The following DDX46 variants were observed in gnomAD, a reference collection of about 807,000 sequenced individuals.
DDX46 encodes DEAD-box helicase 46, also known as probable ATP-dependent RNA helicase DDX46.
DDX46 carries 30 observed loss-of-function variants against 134.9 expected under a neutral mutation model. The observed-to-expected ratio is 0.22, with a 90% CI of 0.17 to 0.30. DDX46 has a LOEUF of 0.30. Ranked by LOEUF, DDX46 falls within the 10% of genes least tolerant of loss-of-function variation. The probability of loss-of-function intolerance (pLI) is 1.00; values close to 1 mark genes in which losing one functional copy is unlikely to be tolerated. For missense variants in DDX46, 622 were observed against 1,248.7 expected (o/e 0.50, Z 7.56); for synonymous variants, 415 against 404.1 (o/e 1.03, Z -0.32).
At chr5:134,776,630 C>T (rs181693384) in intron 5 of DDX46, among the ~76,000 whole-genome samples, 12 of 152,046 alleles carry the variant, frequency 7.9e-5, no homozygotes, top group Non-Finnish European at 7.4e-5. Context: ...TTGAAAATGT[C>T]ATTTAGCTGG....
chr5:134,760,058 AATTG>A (rs1357399919), intron 1 of DDX46, among the ~76,000 whole-genome samples: 3 of 152,252 alleles, frequency 2.0e-5, no homozygotes, highest in East Asian at 1.9e-4. Flanking sequence ...TGATTCTCTG[AATTG>A]ATTGTCTTCC....
Position 134,758,849 on chromosome 5 carries a change from G to A in DDX46, c.-90G>A. Reference sequence around the variant, plus strand: ...CTGCTAGTGTTTAGCGCTGGTCTTTGCCGGGCGTTGAGGGCAGCTCAGCCT... The same window carrying A: ...CTGCTAGTGTTTAGCGCTGGTCTTTACCGGGCGTTGAGGGCAGCTCAGCCT... On this transcript the variant is annotated 5_prime_UTR_variant, in exon 1 of 23. Transcript: ENST00000452510. 1 of 1,598,364 alleles carries A rather than the reference G, an allele frequency of 6.3e-7. No homozygotes were observed. The highest frequency in any genetic ancestry group is 2.2e-5 in the East Asian group (1 of 44,756).
Position 134,788,517 on chromosome 5 carries a change from C to G in DDX46, c.1469C>G (p.Ala490Gly). ...AAGTTTCATCTTTTTTATTAGATTG[C>G]TGAGCTGAAAAGAGGTGCTGAAATT... ...YGGTGISEQIAELKRGAEIIV... is the reference protein window; with the variant it reads ...YGGTGISEQIGELKRGAEIIV... The change falls in exon 12 of 23, where the codon GCT (alanine) becomes GGT (glycine). Residue 490 changes from alanine (A) to glycine (G), a missense_variant. This residue lies in a region of DDX46 where 209 missense variants were observed against 508.4 expected (regional missense o/e 0.41). Coordinates refer to ENST00000452510, the MANE Select transcript of DDX46 (RefSeq NM_001300860.2). The G allele has an allele frequency of 6.2e-7, 1 of 1,612,988 alleles. No individual in the cohort carries two copies. Among genetic ancestry groups the G allele is most frequent in the East Asian group, 2.2e-5 (1 of 44,848 alleles).
intron 1 of DDX46, among the ~76,000 whole-genome samples, chr5:134,759,483 A>G (rs1753309874): frequency 6.6e-6 from 1 of 152,210 alleles, no homozygotes; most frequent in Non-Finnish European, 1.5e-5. Context: ...CTTCGCAAAT[A>G]GATTTCGTAT....
intron 6 of DDX46, among the ~76,000 whole-genome samples, chr5:134,780,155 CATGTATAT>C (rs960678232): frequency 2.3e-5 from 3 of 132,328 alleles, no homozygotes; most frequent in African/African-American, 5.9e-5. Context: ...TATATATGTG[CATGTATAT>C]GTGTATATGT....
intron 3 of DDX46, among the ~76,000 whole-genome samples, chr5:134,767,857 G>A (rs1421979305): frequency 5.9e-5 from 9 of 151,662 alleles, no homozygotes; most frequent in South Asian, 4.2e-4. Flanking sequence ...GGCTGAGGCC[G>A]GAGAATCGCT....
intron 8 of DDX46, 29 bp from the exon 9 acceptor site, chr5:134,782,916 G>T: frequency 1.2e-6 from 2 of 1,605,072 alleles, no homozygotes; most frequent in South Asian, 2.2e-5. Flanking sequence ...CAATATTTAA[G>T]AACTTTTAAT....
rs761618155 is a variant in DDX46 at position 134,790,572 on chromosome 5, A to G, written c.1626+20A>G. The G allele has an allele frequency of 1.9e-6, 3 of 1,592,464 alleles. No homozygotes were observed. The highest frequency in any genetic ancestry group is 2.2e-5 in the East Asian group (1 of 44,748). On this transcript the variant is annotated intron_variant, in intron 13 of 22. Transcript: ENST00000452510. ...CCCCAGGTAATCATTAAATTTCTTA[A>G]GTGTTTTGAAATGTAAATATAACTT...
chr5:134,809,621 C>T (rs1007276037), intron 16 of DDX46, among the ~76,000 whole-genome samples: 12 of 151,972 alleles, frequency 7.9e-5, no homozygotes, highest in South Asian at 4.1e-4. Context: ...GTGATCTGCC[C>T]GCCTTGGCCT....
At chr5:134,784,001 C>G (rs1307983921) in intron 9 of DDX46, among the ~76,000 whole-genome samples, 1 of 151,922 alleles carries the variant, frequency 6.6e-6, no homozygotes, top group Non-Finnish European at 1.5e-5. Context: ...TTAAATTTTT[C>G]ATTATCCCAA....
At chr5:134,798,966 T>C (rs1387550063) in intron 15 of DDX46, among the ~76,000 whole-genome samples, 1 of 152,240 alleles carries the variant, frequency 6.6e-6, no homozygotes, top group Non-Finnish European at 1.5e-5. Flanking sequence ...CAATACATTA[T>C]AAAAACTATC....
intron 11 of DDX46, 22 bp downstream of exon 11, chr5:134,785,608 A>G: frequency 6.3e-7 from 1 of 1,581,560 alleles, no homozygotes; most frequent in Non-Finnish European, 8.6e-7. Flanking sequence ...AGAAACATTC[A>G]TGTTTTCCAT....
chr5:134,792,920 C>T (rs1342374298), intron 13 of DDX46, among the ~76,000 whole-genome samples: 1 of 151,886 alleles, frequency 6.6e-6, no homozygotes, highest in South Asian at 2.1e-4. Flanking sequence ...TTTGGGAGGT[C>T]GAGGCAGGTG....
intron 15 of DDX46, among the ~76,000 whole-genome samples, chr5:134,800,035 C>T (rs1308698689): frequency 1.3e-5 from 2 of 152,134 alleles, no homozygotes; most frequent in African/African-American, 2.4e-5. Flanking sequence ...GCAACCTCCA[C>T]CTCCCAGGTT....
chr5:134,778,973 T>C (rs979983453), intron 6 of DDX46, among the ~76,000 whole-genome samples: 4 of 152,162 alleles, frequency 2.6e-5, no homozygotes, highest in Non-Finnish European at 5.9e-5. Context: ...CTCGGCTCAC[T>C]GCAACTTCCA....
intron 2 of DDX46, among the ~76,000 whole-genome samples, chr5:134,766,223 TAC>T (rs1753563854): frequency 6.6e-6 from 1 of 152,192 alleles, no homozygotes; most frequent in Non-Finnish European, 1.5e-5. Flanking sequence ...CGATGTTAAT[TAC>T]AGACTTATTA....
At chr5:134,791,250 C>T (rs535044435) in intron 13 of DDX46, among the ~76,000 whole-genome samples, 2 of 152,316 alleles carry the variant, frequency 1.3e-5, no homozygotes, top group East Asian at 3.9e-4. Context: ...ATTTATCTAG[C>T]TTAGGTTTTT....
At position 134,764,069 on chromosome 5, in the gene DDX46, G is replaced by A; in HGVS notation, c.183G>A (p.Arg61=). The change falls in exon 2 of 23, where the codon CGG becomes CGA. Residue 61 remains arginine (R), a synonymous_variant. Coordinates refer to ENST00000452510, the MANE Select transcript of DDX46 (RefSeq NM_001300860.2). ...GTAGCAGGGATAAAAGAAGATCTCG[G>A]TCAAGGGACAGGAAGCGTCTGAGGT... The part of the protein sequence containing the change: ...RSRSRDKRRS[R]SRDRKRLRRS... 1 of 1,613,176 alleles carries A rather than the reference G, an allele frequency of 6.2e-7. No homozygotes were observed. The highest frequency in any genetic ancestry group is 8.5e-7 in the Non-Finnish European group (1 of 1,179,714).
chr5:134,784,264 A>G, intron 9 of DDX46, 102 bp from the exon 10 acceptor site: 1 of 1,223,880 alleles, frequency 8.2e-7, no homozygotes, highest in Non-Finnish European at 1.1e-6. Flanking sequence ...TGTATGATAT[A>G]TACCACCTTT....
Sources: allele counts gnomAD v4.1 joint callset (sites outside exome capture counted in the v4.1 genomes callset), GRCh38; gene constraint gnomAD v4.1.1; regional missense constraint gnomAD v4.1.1; transcripts MANE v1.5; gene names NCBI Gene and HGNC (gene_info 2026-07-23, HGNC 2026-07-21).